Variants in TMEM39A observed in about 807,000 individuals in gnomAD.
TMEM39A encodes the protein suppressor of SQST-1 aggregates in rpl-43 mutants.
Under a neutral mutation model 51.9 loss-of-function variants are expected in TMEM39A, and 19 were observed. That is an observed-to-expected ratio of 0.37 (90% CI 0.26 to 0.54). The LOEUF is 0.54. Ranked by LOEUF, TMEM39A falls within the 20% of genes least tolerant of loss-of-function variation. TMEM39A has a pLI of 0.88. For missense variants in TMEM39A, 433 were observed against 590.5 expected, an observed-to-expected ratio of 0.73 and a Z score of 2.76; for synonymous variants, 197 against 220.2, an observed-to-expected ratio of 0.89 and a Z score of 0.93.
intron 5 of TMEM39A, among the ~76,000 whole-genome samples, chr3:119,442,010 T>G (rs768021661): frequency 2.6e-5 from 4 of 152,226 alleles, no homozygotes; most frequent in Non-Finnish European, 4.4e-5. Flanking sequence ...ATAAGCTCAC[T>G]GTTGAACCTA....
intron 5 of TMEM39A, among the ~76,000 whole-genome samples, chr3:119,444,354 A>G (rs2081095675): frequency 6.6e-6 from 1 of 152,254 alleles, no homozygotes; most frequent in Admixed American, 6.5e-5. Flanking sequence ...ATCTATAAAT[A>G]TAGAAACAAT....
At chr3:119,457,976 G>T in intron 3 of TMEM39A, 42 bp downstream of exon 3, 1 of 1,447,764 alleles carries the variant, frequency 6.9e-7, no homozygotes, top group Non-Finnish European at 9.6e-7. Flanking sequence ...GTAGTTTCTT[G>T]GGTAAGTAAC....
chr3:119,456,951 G>A (rs1201239168), intron 3 of TMEM39A, among the ~76,000 whole-genome samples: 1 of 150,282 alleles, frequency 6.7e-6, no homozygotes, highest in South Asian at 2.1e-4. Context: ...AACCTTCTCT[G>A]CATCAAGACT....
At chr3:119,449,870 T>C (rs1199850597) in intron 4 of TMEM39A, among the ~76,000 whole-genome samples, 1 of 152,156 alleles carries the variant, frequency 6.6e-6, no homozygotes, top group Non-Finnish European at 1.5e-5. Flanking sequence ...GGCCTGAAGG[T>C]GAATAAACGG....
In TMEM39A at chr3:119,438,086, G is replaced by A; in HGVS notation, c.593C>T (p.Pro198Leu). Reference protein sequence around the residue: ...FLGYPFGVYVPLCCFHQDSRA... With the variant: ...FLGYPFGVYVLLCCFHQDSRA... ...ACTATCTTGATGAAAACAGCAAAGA[G>A]GAACATAAACACCAAACCTGTAAAA... The change falls in exon 6 of 9, where the codon CCT becomes CTT. Residue 198 changes from proline to leucine, a missense_variant. Physicochemically the swap from Pro to Leu is moderately conservative, Grantham distance 98. This residue lies in a region of TMEM39A where 40 missense variants were observed against 22.6 expected (regional missense o/e 1.77). Transcript: ENST00000319172. 1 of 1,587,970 alleles carries A rather than the reference G, an allele frequency of 6.3e-7. No individual in the cohort carries two copies. The highest frequency in any genetic ancestry group is 8.6e-7 in the Non-Finnish European group (1 of 1,159,024).
intron 4 of TMEM39A, among the ~76,000 whole-genome samples, chr3:119,447,509 T>C (rs1419526145): frequency 1.3e-5 from 2 of 152,222 alleles, no homozygotes; most frequent in Non-Finnish European, 2.9e-5. Flanking sequence ...GGGCTACTAA[T>C]TGGACATGTA....
intron 8 of TMEM39A, among the ~76,000 whole-genome samples, chr3:119,433,506 T>C (rs189757113): frequency 1.3e-5 from 2 of 152,290 alleles, no homozygotes; most frequent in African/African-American, 4.8e-5. Context: ...TCAACTTGCC[T>C]AATCTTTTTT....
intron 5 of TMEM39A, among the ~76,000 whole-genome samples, chr3:119,438,305 C>A (rs973525719): frequency 6.6e-6 from 1 of 152,198 alleles, no homozygotes; most frequent in Non-Finnish European, 1.5e-5. Flanking sequence ...AGTGCACATT[C>A]ATTGTAGATT....
Position 119,431,917 on chromosome 3 carries a change from A to C in TMEM39A, c.*64T>G. On this transcript the variant is annotated 3_prime_UTR_variant, in exon 9 of 9. Coordinates refer to ENST00000319172, the MANE Select transcript of TMEM39A (RefSeq NM_018266.3). ...TATCTTAAATATTTATAAAAATCAC[A>C]AGAAAAAAATAGAACGTATGAAAAT... 1 of 1,113,154 alleles carries C rather than the reference A, an allele frequency of 9.0e-7. No homozygotes were observed. Among genetic ancestry groups the C allele is most frequent in the Non-Finnish European group, 1.2e-6 (1 of 800,070 alleles). 69.0% of individuals were successfully genotyped at this position (1,113,154 alleles called of 1,614,324 possible). A position where few individuals can be genotyped will look rare whatever the true frequency, so the allele number is the denominator to read the frequency against.
At chr3:119,456,082 A>G (rs2107686946) in intron 3 of TMEM39A, among the ~76,000 whole-genome samples, 1 of 152,360 alleles carries the variant, frequency 6.6e-6, no homozygotes, top group African/African-American at 2.4e-5. Context: ...ATAAAGAGCA[A>G]ATGAGATAAT....
intron 5 of TMEM39A, among the ~76,000 whole-genome samples, chr3:119,443,943 C>T (rs2081090913): frequency 6.8e-6 from 1 of 146,538 alleles, no homozygotes. Context: ...AAATAGACTA[C>T]AGTATAGTGT....
chr3:119,435,966 G>A (rs1267721815), intron 7 of TMEM39A: 2 of 1,278,270 alleles, frequency 1.6e-6, no homozygotes, highest in Admixed American at 2.3e-5. Context: ...GATAATTGAA[G>A]GGAGAACTCT....
intron 8 of TMEM39A, 140 bp downstream of exon 8, chr3:119,434,622 C>T (rs2080944612): frequency 8.0e-7 from 1 of 1,246,306 alleles, no homozygotes; most frequent in African/African-American, 1.5e-5. Flanking sequence ...GTACAGGGAC[C>T]ACTGTTACGC....
At chr3:119,456,754 A>G (rs575589084) in intron 3 of TMEM39A, among the ~76,000 whole-genome samples, 1 of 152,168 alleles carries the variant, frequency 6.6e-6, no homozygotes, top group Non-Finnish European at 1.5e-5. Flanking sequence ...ACAAGTGTGC[A>G]CTACCATGCC....
intron 5 of TMEM39A, among the ~76,000 whole-genome samples, chr3:119,444,072 A>G (rs1047551771): frequency 3.3e-5 from 5 of 152,218 alleles, no homozygotes; most frequent in Admixed American, 6.5e-5. Context: ...GTATGCCTGT[A>G]TGTTTAAAAC....
At chr3:119,436,229 G>C (rs937527377) in intron 7 of TMEM39A, among the ~76,000 whole-genome samples, 1 of 152,120 alleles carries the variant, frequency 6.6e-6, no homozygotes, top group Non-Finnish European at 1.5e-5. Flanking sequence ...TTCTTCCAAA[G>C]AACTCAGTCA....
chr3:119,444,790 G>A (rs2081101197), intron 5 of TMEM39A, among the ~76,000 whole-genome samples: 1 of 152,172 alleles, frequency 6.6e-6, no homozygotes, highest in Non-Finnish European at 1.5e-5. Context: ...TGATGCTGAT[G>A]CTGCTGTTCT....
intron 7 of TMEM39A, chr3:119,435,354 AATCAG>A (rs758879839): frequency 1.1e-4 from 112 of 985,290 alleles, no homozygotes; most frequent in Non-Finnish European, 1.3e-4. Flanking sequence ...AACTATAGGA[AATCAG>A]TTTGCTTATC....
chr3:119,459,299 A>C (rs897587282), intron 2 of TMEM39A, among the ~76,000 whole-genome samples: 2 of 152,208 alleles, frequency 1.3e-5, no homozygotes, highest in Non-Finnish European at 2.9e-5. Flanking sequence ...CCTTGCATAT[A>C]AAGTTTGTGT....
Sources: allele counts gnomAD v4.1 joint callset (sites outside exome capture counted in the v4.1 genomes callset), GRCh38; gene constraint gnomAD v4.1.1; regional missense constraint gnomAD v4.1.1; transcripts MANE v1.5; gene names NCBI Gene and HGNC (gene_info 2026-07-23, HGNC 2026-07-21).